The following PCDHA11 variants were observed in gnomAD, a reference collection of about 807,000 sequenced individuals.
PCDHA11 encodes the protein protocadherin alpha 11.
PCDHA11 carries 61 observed loss-of-function variants against 70.3 expected under a neutral mutation model. The observed-to-expected ratio is 0.87, with a 90% CI of 0.71 to 1.07. The LOEUF is 1.07. Ranked by LOEUF, PCDHA11 falls within the 50% of genes least tolerant of loss-of-function variation. The probability of loss-of-function intolerance (pLI) is 0.00; values close to 1 mark genes in which losing one functional copy is unlikely to be tolerated. For synonymous variants in PCDHA11, 633 were observed against 555.1 expected, an observed-to-expected ratio of 1.14 and a Z score of -1.97; for missense variants, 1,324 against 1,237.5, an observed-to-expected ratio of 1.07 and a Z score of -1.05.
At chr5:140,883,384 CAG>C (rs1554177987) in intron 1 of PCDHA11, 2 of 1,614,072 alleles carry the variant, frequency 1.2e-6, no homozygotes, top group African/African-American at 2.7e-5. Context: ...TTGCCCTAAT[CAG>C]TGTGTCCGAT....
At chr5:140,927,417 G>A (rs74597681) in intron 1 of PCDHA11, 37,118 of 1,614,096 alleles carry the variant, frequency 0.023, 560 homozygotes, top group African/African-American at 0.056. Flanking sequence ...ACATGGGATC[G>A]CGGGTTGACG....
chr5:140,917,327 G>C (rs1219338384), intron 1 of PCDHA11, among the ~76,000 whole-genome samples: 1 of 149,420 alleles, frequency 6.7e-6, no homozygotes, highest in African/African-American at 2.5e-5. Flanking sequence ...CATGTGGCGG[G>C]GGAGGGGGGG....
chr5:140,999,550 G>A (rs1250301883), intron 3 of PCDHA11, among the ~76,000 whole-genome samples: 2 of 152,120 alleles, frequency 1.3e-5, no homozygotes, highest in African/African-American at 4.8e-5. Context: ...CCAATGAAGA[G>A]GGGGTATTTT....
chr5:140,967,287 A>G (rs1458692984), intron 1 of PCDHA11: 1 of 1,612,826 alleles, frequency 6.2e-7, no homozygotes, highest in Non-Finnish European at 8.5e-7. Flanking sequence ...AGTGCGCAGG[A>G]CCCCGACGTG....
rs191892568 is a variant in PCDHA11, at chr5:140,903,945, C to T, written c.2391+32451C>T. 2.6e-5 allele frequency among the ~76,000 whole-genome samples: 4 copies of T among 152,280 alleles called. No homozygotes were observed. In the East Asian group the frequency reaches 5.8e-4, roughly 22 times the overall value. ...TGCATTGGATAATACCTCTTAAATA[C>T]TGGAAAATTATTTGTTGATTTTTGG... On this transcript the variant is annotated intron_variant, in intron 1 of 3. Transcript: ENST00000398640.
chr5:140,995,930 A>G (rs186484511), intron 3 of PCDHA11, among the ~76,000 whole-genome samples: 1 of 152,342 alleles, frequency 6.6e-6, no homozygotes, highest in Admixed American at 6.5e-5. Context: ...TGTTGTAAGT[A>G]TTAAATGACA....
chr5:140,929,614 A>G (rs1554207224), intron 1 of PCDHA11: 1 of 405,948 alleles, frequency 2.5e-6, no homozygotes, highest in African/African-American at 2.1e-5. Context: ...ATAAAATACC[A>G]AAATATTTTA....
Position 140,899,596 on chromosome 5 carries a change from G to A in PCDHA11, c.2391+28102G>A, listed in dbSNP as rs567280301. On this transcript the variant is annotated intron_variant, in intron 1 of 3. Transcript: ENST00000398640. ...ATTCGGTTTGCCAGTATTTTATTGA[G>A]GACTTTTGCATCAATGTTCATCAAG... Among the ~76,000 whole-genome samples the A allele has an allele frequency of 7.2e-5, 11 of 152,196 alleles. No individual in the cohort carries two copies. In the East Asian group the frequency reaches 2.1e-3, roughly 29 times the overall value.
Position 140,950,516 on chromosome 5 carries a change from G to A in PCDHA11, c.2392-28433G>A, listed in dbSNP as rs184772904. ...ATTTAAGTCATTATTCCCTGTGTGCGATATGATTGTTTTTGTTGCTCTTGC... is the reference window on the plus strand; with the variant it reads ...ATTTAAGTCATTATTCCCTGTGTGCAATATGATTGTTTTTGTTGCTCTTGC... On this transcript the variant is annotated intron_variant, in intron 1 of 3. Coordinates refer to ENST00000398640, the MANE Select transcript of PCDHA11 (RefSeq NM_018902.5). Among the ~76,000 whole-genome samples, 6 of 152,110 alleles carry A rather than the reference G, an allele frequency of 3.9e-5. No individual in the cohort carries two copies. The East Asian group carries it at 9.6e-4, about 24-fold the overall frequency.
chr5:140,919,613 A>G (rs993064588), intron 1 of PCDHA11, among the ~76,000 whole-genome samples: 1 of 152,270 alleles, frequency 6.6e-6, no homozygotes, highest in South Asian at 2.1e-4. Context: ...TTTAAACTGT[A>G]TCTTTTGAGT....
intron 1 of PCDHA11, among the ~76,000 whole-genome samples, chr5:140,941,034 G>A (rs1384147296): frequency 6.6e-6 from 1 of 151,968 alleles, no homozygotes; most frequent in Non-Finnish European, 1.5e-5. Context: ...GGCCTTTTTG[G>A]TGCCAAGTCA....
chr5:140,954,824 C>A (rs1167171102), intron 1 of PCDHA11, among the ~76,000 whole-genome samples: 1 of 152,068 alleles, frequency 6.6e-6, no homozygotes, highest in Admixed American at 6.6e-5. Flanking sequence ...GCTTTAGGCA[C>A]TTTTGTCATG....
intron 1 of PCDHA11, among the ~76,000 whole-genome samples, chr5:140,933,268 T>A (rs2088999959): frequency 6.6e-6 from 1 of 151,986 alleles, no homozygotes; most frequent in Non-Finnish European, 1.5e-5. Context: ...TTATTATATA[T>A]TCATTTGGAA....
At chr5:141,007,660 T>C (rs1392469115) in intron 3 of PCDHA11, among the ~76,000 whole-genome samples, 2 of 152,074 alleles carry the variant, frequency 1.3e-5, no homozygotes, top group Admixed American at 6.5e-5. Flanking sequence ...AAACCATAAA[T>C]TTACAAAGAC....
intron 1 of PCDHA11, chr5:140,877,356 T>G (rs1227079705): frequency 9.9e-6 from 16 of 1,613,866 alleles, no homozygotes; most frequent in Non-Finnish European, 1.4e-5. Flanking sequence ...GGCTGTACAC[T>G]GGCGAGATCA....
rs1210767626 is a variant in PCDHA11 at position 141,010,197 on chromosome 5, C to T, written c.*260C>T. 1 of 1,552,200 alleles carries T rather than the reference C, an allele frequency of 6.4e-7. No homozygotes were observed. The highest frequency in any genetic ancestry group is 1.2e-5 in the South Asian group (1 of 84,134). On this transcript the variant is annotated 3_prime_UTR_variant, in exon 4 of 4. Coordinates refer to ENST00000398640, the MANE Select transcript of PCDHA11 (RefSeq NM_018902.5). ...AAAAGCAGACCCAAGTTTCCTTTCT[C>T]CTCCGCCGCAAAGGAGAGGCTTCCC...
intron 1 of PCDHA11, among the ~76,000 whole-genome samples, chr5:140,895,744 G>T (rs534394379): frequency 6.6e-6 from 1 of 152,182 alleles, no homozygotes; most frequent in Admixed American, 6.5e-5. Flanking sequence ...GCTGCAAAGG[G>T]CATGATCTTT....
chr5:140,967,020 C>G (rs782147091), intron 1 of PCDHA11: 4 of 1,607,570 alleles, frequency 2.5e-6, no homozygotes, highest in African/African-American at 1.3e-5. Flanking sequence ...CTGGGTGCGC[C>G]CAGTCCGCGC....
At chr5:141,005,288 T>A (rs908780920) in intron 3 of PCDHA11, among the ~76,000 whole-genome samples, 1 of 152,176 alleles carries the variant, frequency 6.6e-6, no homozygotes. Flanking sequence ...AACAGATACA[T>A]TTTTTGCCTT....
Sources: allele counts gnomAD v4.1 joint callset (sites outside exome capture counted in the v4.1 genomes callset), GRCh38; gene constraint gnomAD v4.1.1; transcripts MANE v1.5; gene names NCBI Gene and HGNC (gene_info 2026-07-23, HGNC 2026-07-21).